Variants in CROCC2 observed in about 807,000 individuals in gnomAD.
CROCC2 encodes the protein ciliary rootlet coiled-coil, rootletin family member 2.
A neutral mutation model predicts 177.6 loss-of-function variants in CROCC2; 163 were observed. The observed-to-expected ratio is 0.92, with a 90% CI of 0.81 to 1.05. The LOEUF (loss-of-function observed/expected upper bound fraction) is 1.05. CROCC2 is among the 50% of genes least tolerant of loss of function. The probability of loss-of-function intolerance (pLI) is 0.00; values close to 1 mark genes in which losing one functional copy is unlikely to be tolerated. For synonymous variants in CROCC2, 904 were observed against 787.3 expected, an observed-to-expected ratio of 1.15 and a Z score of -2.48; for missense variants, 1,929 against 1,797.8, an observed-to-expected ratio of 1.07 and a Z score of -1.32.
chr2:240,917,907 G>A lies in CROCC2; in HGVS notation c.79-819G>A, dbSNP rs75354133. Among the ~76,000 whole-genome samples, 1,909 of 152,218 alleles carry A rather than the reference G, an allele frequency of 0.013. 100 individuals are homozygous for A. In the East Asian group the frequency reaches 0.16, roughly 13 times the overall value. On this transcript the variant is annotated intron_variant, in intron 1 of 31. Coordinates refer to ENST00000690015, the MANE Select transcript of CROCC2 (RefSeq NM_001351305.2). The surrounding 1 kb of genome is among the most constrained non-coding windows in gnomAD (Gnocchi z 4.9). ...CACCTGGCAGGAGTCCCCTGCCCTG[G>A]GGTCCCGGCCCTCCCCAAGCTGTGC... is the stretch of plus-strand genomic sequence containing the variant.
At chr2:240,956,082 C>T in intron 19 of CROCC2, 110 bp downstream of exon 19, 2 of 768,940 alleles carry the variant, frequency 2.6e-6, no homozygotes, top group Non-Finnish European at 4.3e-6. Flanking sequence ...CATCCCCTCC[C>T]TTCCTGAGCC....
intron 14 of CROCC2, among the ~76,000 whole-genome samples, chr2:240,940,324 A>G (rs916549807): frequency 6.6e-6 from 1 of 152,188 alleles, no homozygotes; most frequent in Non-Finnish European, 1.5e-5. Flanking sequence ...ATTATAAAAC[A>G]TCTCCTCTTA....
At chr2:240,983,760 G>C in intron 28 of CROCC2, 1 of 525,324 alleles carries the variant, frequency 1.9e-6, no homozygotes, top group Non-Finnish European at 3.0e-6. Flanking sequence ...GGTGTCGTGT[G>C]CGCCCTGCCT....
At position 240,933,322 on chromosome 2, in the gene CROCC2, A is replaced by G. The variant is rs1326493487; in HGVS notation, c.1443A>G (p.Ala481=). 5 of 1,531,092 alleles carry G rather than the reference A, an allele frequency of 3.3e-6. No individual in the cohort carries two copies. The highest frequency in any genetic ancestry group is 4.4e-6 in the Non-Finnish European group (5 of 1,140,806). The allele number at this position is 1,531,092 out of a possible 1,614,324, so 94.8% of individuals were successfully genotyped here. ...GGCTCGAGGTGCAGCAGTGCCGGGCATCCTGCAAGCTCCTGGGGAGGTAAT... is the reference window on the plus strand; with the variant it reads ...GGCTCGAGGTGCAGCAGTGCCGGGCGTCCTGCAAGCTCCTGGGGAGGTAAT... The part of the protein sequence containing the change: ...AQRLEVQQCR[A]SCKLLGREKA... Residue 481 remains alanine, a synonymous_variant, in exon 10 of 32, where the codon GCA becomes GCG. Transcript: ENST00000690015.
chr2:240,916,173 C>G (rs1336108361), intron 1 of CROCC2, among the ~76,000 whole-genome samples: 1 of 152,058 alleles, frequency 6.6e-6, no homozygotes, highest in Non-Finnish European at 1.5e-5. Context: ...TCGGCGGGGT[C>G]CTAAGCGCTT....
In CROCC2 at chr2:240,967,353, C is replaced by T. The variant is rs981022592; in HGVS notation, c.4155C>T (p.Ser1385=). ...LREAQRERDD[S]RIQMATLSSR... ...TCAGTCCTTCTGCCCAGGATGACTC[C>T]CGCATCCAGATGGCGACCCTGAGCA... The change falls in exon 26 of 32, where the codon TCC becomes TCT. Residue 1385 remains serine, a synonymous_variant. Coordinates refer to ENST00000690015, the MANE Select transcript of CROCC2 (RefSeq NM_001351305.2). 2.6e-5 allele frequency: 19 copies of T among 724,396 alleles called. No homozygotes were observed. The highest frequency in any genetic ancestry group is 1.4e-4 in the African/African-American group (8 of 57,400). The allele number at this position is 724,396 out of a possible 1,614,324, so 44.9% of individuals were successfully genotyped here. A position where few individuals can be genotyped will look rare whatever the true frequency, so the allele number is the denominator to read the frequency against.
In CROCC2 at chr2:240,949,704, T is replaced by C; in HGVS notation, c.2652+2T>C. 8 of 1,532,882 alleles carry C rather than the reference T, an allele frequency of 5.2e-6. No individual in the cohort carries two copies. Among genetic ancestry groups the C allele is most frequent in the Non-Finnish European group, 7.0e-6 (8 of 1,137,406 alleles). The allele number at this position is 1,532,882 out of a possible 1,614,324, so 95.0% of individuals were successfully genotyped here. A position where few individuals can be genotyped will look rare whatever the true frequency, so the allele number is the denominator to read the frequency against. ...CTGGCACAGCTCCAAAGGGAGAAGGTCTGCTTCCCAGGAGCCCACCAGTAG... is the reference window on the plus strand; with the variant it reads ...CTGGCACAGCTCCAAAGGGAGAAGGCCTGCTTCCCAGGAGCCCACCAGTAG... On this transcript the variant is annotated splice_donor_variant, in intron 17 of 31. Transcript: ENST00000690015. LOFTEE classifies it high-confidence loss of function. The surrounding 1 kb of genome is among the most constrained non-coding windows in gnomAD (Gnocchi z 4.5).
chr2:240,991,399 A>G, intron 31 of CROCC2, 121 bp downstream of exon 31: 1 of 812,170 alleles, frequency 1.2e-6, no homozygotes, highest in South Asian at 2.1e-5. Flanking sequence ...CTGTTGGGAA[A>G]ACCAATGCCT....
intron 20 of CROCC2, among the ~76,000 whole-genome samples, chr2:240,962,408 C>G (rs957459648): frequency 1.3e-5 from 2 of 152,254 alleles, no homozygotes; most frequent in South Asian, 4.1e-4. Context: ...GGCCCTTTTG[C>G]TGGTCCTTGA....
At chr2:240,929,792 A>C in intron 5 of CROCC2, 1 of 483,852 alleles carries the variant, frequency 2.1e-6, no homozygotes, top group Non-Finnish European at 4.1e-6. Context: ...CTGCCCCAGC[A>C]GGGGCCAGGC....
chr2:240,992,927 C>T (rs899767531), intron 31 of CROCC2, 139 bp from the exon 32 acceptor site: 22 of 619,392 alleles, frequency 3.6e-5, no homozygotes, highest in Admixed American at 2.7e-4. Context: ...ATGGCCAGGG[C>T]GGGAGGGAGG....
intron 1 of CROCC2, among the ~76,000 whole-genome samples, chr2:240,915,696 A>G (rs1315772233): frequency 1.3e-5 from 2 of 152,158 alleles, no homozygotes; most frequent in African/African-American, 4.8e-5. Context: ...CGCAGCAGTG[A>G]GGACCCGCTG....
At chr2:240,925,216 CGGG>C (rs990530968) in intron 4 of CROCC2, among the ~76,000 whole-genome samples, 195 of 152,196 alleles carry the variant, frequency 1.3e-3, no homozygotes, top group Non-Finnish European at 2.4e-3. Context: ...TTAGGCCTGG[CGGG>C]GGTGCCGGCT....
At chr2:240,927,080 T>G (rs1375662169) in intron 5 of CROCC2, among the ~76,000 whole-genome samples, 3 of 152,252 alleles carry the variant, frequency 2.0e-5, no homozygotes, top group African/African-American at 4.8e-5. Context: ...TCTCACTGGT[T>G]GACAGCTGCT....
chr2:240,938,904 G>A (rs1032839924), intron 14 of CROCC2, among the ~76,000 whole-genome samples: 1 of 152,052 alleles, frequency 6.6e-6, no homozygotes, highest in Admixed American at 6.6e-5. Flanking sequence ...ATGTGACCTT[G>A]ACAAATTCAC....
chr2:240,960,675 C>A lies in CROCC2; in HGVS notation c.3087+1231C>A, dbSNP rs932128716. 1.3e-5 allele frequency among the ~76,000 whole-genome samples: 2 copies of A among 152,086 alleles called. No individual in the cohort carries two copies. The highest frequency in any genetic ancestry group is 4.8e-5 in the African/African-American group (2 of 41,422). On this transcript the variant is annotated intron_variant, in intron 20 of 31. Transcript: ENST00000690015. This position sits in a 1 kb window ranked among gnomAD's most constrained non-coding sequence, Gnocchi z 5.0. ...GCAGCTGACCTGGTGCTGGAGCGAG[C>A]GGCTGGCGCACACCACGCCCCAGAG...
intron 18 of CROCC2, among the ~76,000 whole-genome samples, chr2:240,951,317 A>G (rs2059554994): frequency 6.7e-6 from 1 of 150,194 alleles, no homozygotes; most frequent in Admixed American, 6.6e-5. Flanking sequence ...CCATCCATCC[A>G]CCCATCCACC....
chr2:240,916,434 A>G (rs1319138826), intron 1 of CROCC2, among the ~76,000 whole-genome samples: 1 of 23,236 alleles, frequency 4.3e-5, no homozygotes, highest in Non-Finnish European at 8.0e-5. Flanking sequence ...CACCTGCACG[A>G]CCCCTGCGTC....
chr2:240,952,549 C>T (rs1011808299), intron 18 of CROCC2, among the ~76,000 whole-genome samples: 2 of 152,186 alleles, frequency 1.3e-5, no homozygotes, highest in Non-Finnish European at 2.9e-5. Flanking sequence ...TCTTAACTGC[C>T]CCACTACTCA....
Sources: gnomAD v4.1 joint callset for allele counts (sites outside exome capture counted in the v4.1 genomes callset) on GRCh38, gnomAD v4.1.1 for gene constraint, Gnocchi (gnomAD v3.1) non-coding constraint, MANE v1.5 for transcripts, NCBI Gene and HGNC (gene_info 2026-07-23, HGNC 2026-07-21) for gene names.